TUSC1: variants seen among roughly 807,000 people sequenced by gnomAD.
The protein encoded by TUSC1 is tumor suppressor candidate gene 1 protein.
Under a neutral mutation model 5.2 loss-of-function variants are expected in TUSC1, and 8 were observed. The observed-to-expected ratio is 1.54, with a 90% CI of 0.90 to 2.77. The LOEUF (loss-of-function observed/expected upper bound fraction) is 2.77. Among genes scored for constraint, TUSC1 ranks in the 30% most tolerant of loss-of-function variants. TUSC1 has a pLI of 0.00. For synonymous variants in TUSC1, 192 were observed against 144.2 expected, an observed-to-expected ratio of 1.33 and a Z score of -2.37; for missense variants, 442 against 324.2, an observed-to-expected ratio of 1.36 and a Z score of -2.79.
chr9:25,677,922 C>G lies in TUSC1; in HGVS notation c.391G>C (p.Glu131Gln). Reference sequence around the variant, plus strand: ...GCCCTCCGGTTCGTGCTGGCCTCTTCAGGGACCCGGCGTGCCTCCGCGGGC... The same window carrying G: ...GCCCTCCGGTTCGTGCTGGCCTCTTGAGGGACCCGGCGTGCCTCCGCGGGC... ...GTPAEARRVP[E>Q]EASTNRRARD... is the part of the protein sequence containing the mutation. The change falls in exon 1 of 1, where the codon GAA becomes CAA. Residue 131 changes from glutamate (E) to glutamine (Q), a missense_variant. Transcript: ENST00000358022. The G allele has an allele frequency of 6.4e-7, 1 of 1,568,734 alleles. No homozygotes were observed. The highest frequency in any genetic ancestry group is 1.2e-5 in the South Asian group (1 of 86,502).
rs774148271 is a variant in TUSC1, at chr9:25,677,885, C to T, written c.428G>A (p.Gly143Asp). Reference sequence around the variant, plus strand: ...GGGGCTGCCCGGCTCGTCCTCTCGGCCGCTGTCTCTAGCCCTCCGGTTCGT... The same window carrying T: ...GGGGCTGCCCGGCTCGTCCTCTCGGTCGCTGTCTCTAGCCCTCCGGTTCGT... ...ASTNRRARDS[G>D]REDEPGSPRA... Residue 143 changes from glycine to aspartate, a missense_variant, in exon 1 of 1, where the codon GGC (glycine) becomes GAC (aspartate). Gly to Asp is a moderately conservative substitution (Grantham distance 94). Coordinates refer to ENST00000358022, the MANE Select transcript of TUSC1 (RefSeq NM_001004125.3). The T allele has an allele frequency of 1.6e-5, 25 of 1,589,536 alleles. No individual in the cohort carries two copies. The highest frequency in any genetic ancestry group is 2.3e-5 in the South Asian group (2 of 88,274).
chr9:25,678,236 G>A lies in TUSC1; in HGVS notation c.77C>T (p.Pro26Leu). The change falls in exon 1 of 1, where the codon CCA (proline) becomes CTA (leucine). Residue 26 changes from proline (P) to leucine (L), a missense_variant. Pro to Leu is a moderately conservative substitution (Grantham distance 98, BLOSUM62 -3). Coordinates refer to ENST00000358022, the MANE Select transcript of TUSC1 (RefSeq NM_001004125.3). ...ACCACGAGCCCGGCCGGAGCGGCCT[G>A]GCCCTCGGCCGTCCGCAGCACCGTC... is the stretch of plus-strand genomic sequence containing the variant. ...GGDGAADGRG[P>L]GRSGRARGGG... 1 of 1,402,734 alleles carries A rather than the reference G, an allele frequency of 7.1e-7. No homozygotes were observed. The highest frequency in any genetic ancestry group is 9.3e-7 in the Non-Finnish European group (1 of 1,078,234). 86.9% of individuals were successfully genotyped at this position (1,402,734 alleles called of 1,614,324 possible). A position where few individuals can be genotyped will look rare whatever the true frequency, so the allele number is the denominator to read the frequency against.
chr9:25,677,746 A>C lies in TUSC1; in HGVS notation c.567T>G (p.Pro189=). 6.3e-7 allele frequency: 1 copy of C among 1,578,188 alleles called. No homozygotes were observed. The highest frequency in any genetic ancestry group is 2.3e-5 in the East Asian group (1 of 42,730). ...GGAGGCCGGAGTCGGGTTCCTGTAG[A>C]GGCTGCTCCTCCTTGTCCCCGCTCG... ...PRPSGDKEEQ[P]LQEPDSGLRS... Residue 189 remains proline (P), a synonymous_variant, in exon 1 of 1, where the codon CCT becomes CCG. Transcript: ENST00000358022.
At position 25,677,536 on chromosome 9, in the gene TUSC1, T is replaced by C. The variant is rs1819063113; in HGVS notation, c.*147A>G. On this transcript the variant is annotated 3_prime_UTR_variant, in exon 1 of 1. Transcript: ENST00000358022. ...CGGATGGCCAAGCGCCACCCGGAAG[T>C]GTCCACTGGTGGGGGCGGGAAGGCA... 2 of 1,396,272 alleles carry C rather than the reference T, an allele frequency of 1.4e-6. No individual in the cohort carries two copies. The highest frequency in any genetic ancestry group is 2.5e-5 in the East Asian group (1 of 39,526). The allele number at this position is 1,396,272 out of a possible 1,614,324, so 86.5% of individuals were successfully genotyped here.
rs1018181738 is a variant in TUSC1 at position 25,678,286 on chromosome 9, A to G, written c.27T>C (p.Thr9=). 2.7e-6 allele frequency: 4 copies of G among 1,467,450 alleles called. No individual in the cohort carries two copies. The highest frequency in any genetic ancestry group is 3.0e-5 in the African/African-American group (2 of 67,614). 90.9% of individuals were successfully genotyped at this position (1,467,450 alleles called of 1,614,324 possible). A position where few individuals can be genotyped will look rare whatever the true frequency, so the allele number is the denominator to read the frequency against. ...CCCCGCCGCAGCAACTCCCGCGCCT[A>G]GTGGCGCCACCACGCATGCGCCACA... The part of the protein sequence containing the change: MWRMRGGA[T]RRGSCCGGDG... Residue 9 remains threonine, a synonymous_variant, in exon 1 of 1, where the codon ACT becomes ACC. Transcript: ENST00000358022.
chr9:25,678,099 C>T lies in TUSC1; in HGVS notation c.214G>A (p.Ala72Thr). 12 of 1,578,200 alleles carry T rather than the reference C, an allele frequency of 7.6e-6. No homozygotes were observed. Among genetic ancestry groups the T allele is most frequent in the South Asian group, 1.1e-5 (1 of 87,012 alleles). The change falls in exon 1 of 1, where the codon GCC (alanine) becomes ACC (threonine). Residue 72 changes from alanine (A) to threonine (T), a missense_variant. Physicochemically the swap from Ala to Thr is moderately conservative, Grantham distance 58. Coordinates refer to ENST00000358022, the MANE Select transcript of TUSC1 (RefSeq NM_001004125.3). ...FADLAASHLE[A>T]IRARDEWDRQ... is the part of the protein sequence containing the mutation. ...TCCCACTCGTCCCGCGCACGGATGGCCTCCAAGTGGCTCGCCGCCAGGTCG... is the reference window on the plus strand; with the variant it reads ...TCCCACTCGTCCCGCGCACGGATGGTCTCCAAGTGGCTCGCCGCCAGGTCG...
Position 25,677,017 on chromosome 9 carries a change from T to C in TUSC1, c.*666A>G, listed in dbSNP as rs1026482680. On this transcript the variant is annotated 3_prime_UTR_variant, in exon 1 of 1. Transcript: ENST00000358022. ...TTTACCATTTCAAAAGATCACGATATAGGCAGATACCTTAAAAATTCTCTG... is the reference window on the plus strand; with the variant it reads ...TTTACCATTTCAAAAGATCACGATACAGGCAGATACCTTAAAAATTCTCTG... 4 of 152,222 alleles carry C rather than the reference T, an allele frequency of 2.6e-5. No homozygotes were observed. The highest frequency in any genetic ancestry group is 5.9e-5 in the Non-Finnish European group (4 of 68,036). The allele number at this position is 152,222 out of a possible 1,614,324, so 9.4% of individuals were successfully genotyped here. A position where few individuals can be genotyped will look rare whatever the true frequency, so the allele number is the denominator to read the frequency against.
Position 25,678,131 on chromosome 9 carries a change from C to T in TUSC1, c.182G>A (p.Arg61Gln). ...ADGARQQLEE[R>Q]FADLAASHLE... The stretch of plus-strand genomic sequence containing the variant: ...GTGGCTCGCCGCCAGGTCGGCAAAC[C>T]GCTCCTCCAGCTGCTGTCGGGCGCC... The change falls in exon 1 of 1, where the codon CGG becomes CAG. Residue 61 changes from arginine to glutamine, a missense_variant. Coordinates refer to ENST00000358022, the MANE Select transcript of TUSC1 (RefSeq NM_001004125.3). 6.5e-7 allele frequency: 1 copy of T among 1,543,062 alleles called. No individual in the cohort carries two copies.
rs1394494874 is a variant in TUSC1, at chr9:25,677,007, G to T, written c.*676C>A. ...ACCAGATTTATTTACCATTTCAAAAGATCACGATATAGGCAGATACCTTAA... is the reference window on the plus strand; with the variant it reads ...ACCAGATTTATTTACCATTTCAAAATATCACGATATAGGCAGATACCTTAA... On this transcript the variant is annotated 3_prime_UTR_variant, in exon 1 of 1. Coordinates refer to ENST00000358022, the MANE Select transcript of TUSC1 (RefSeq NM_001004125.3). 2 of 152,160 alleles carry T rather than the reference G, an allele frequency of 1.3e-5. No individual in the cohort carries two copies. The highest frequency in any genetic ancestry group is 4.8e-5 in the African/African-American group (2 of 41,446). The allele number at this position is 152,160 out of a possible 1,614,324, so 9.4% of individuals were successfully genotyped here. A position where few individuals can be genotyped will look rare whatever the true frequency, so the allele number is the denominator to read the frequency against.
chr9:25,677,669 G>A lies in TUSC1; in HGVS notation c.*14C>T, dbSNP rs1334173781. 5 of 1,495,058 alleles carry A rather than the reference G, an allele frequency of 3.3e-6. No homozygotes were observed. The highest frequency in any genetic ancestry group is 1.4e-5 in the African/African-American group (1 of 71,118). 92.6% of individuals were successfully genotyped at this position (1,495,058 alleles called of 1,614,324 possible). The stretch of plus-strand genomic sequence containing the variant: ...CCCGCTCGAGGCTCCGCCTCTCACC[G>A]GCTGCGGCCTCGGCTACAGCCAGGG... On this transcript the variant is annotated 3_prime_UTR_variant, in exon 1 of 1. Transcript: ENST00000358022.
At position 25,678,265 on chromosome 9, in the gene TUSC1, G is replaced by A; in HGVS notation, c.48C>T (p.Gly16=). 3 of 1,458,846 alleles carry A rather than the reference G, an allele frequency of 2.1e-6. No individual in the cohort carries two copies. Among genetic ancestry groups the A allele is most frequent in the African/African-American group, 1.5e-5 (1 of 67,610 alleles). 90.4% of individuals were successfully genotyped at this position (1,458,846 alleles called of 1,614,324 possible). ...CTCGGCCGTCCGCAGCACCGTCCCC[G>A]CCGCAGCAACTCCCGCGCCTAGTGG... ...GGATRRGSCC[G]GDGAADGRGP... Residue 16 remains glycine, a synonymous_variant, in exon 1 of 1, where the codon GGC becomes GGT. Transcript: ENST00000358022.
At position 25,678,060 on chromosome 9, in the gene TUSC1, G is replaced by A. The variant is rs1265108375; in HGVS notation, c.253C>T (p.Arg85Trp). The A allele has an allele frequency of 1.9e-6, 3 of 1,586,332 alleles. No individual in the cohort carries two copies. Among genetic ancestry groups the A allele is most frequent in the African/African-American group, 1.3e-5 (1 of 74,584 alleles). ...ARDEWDRQNA[R>W]LRQENARLRL... ...AGCCGGGCGTTCTCCTGACGCAGCC[G>A]CGCGTTCTGCCGGTCCCACTCGTCC... The change falls in exon 1 of 1, where the codon CGG becomes TGG. Residue 85 changes from arginine to tryptophan, a missense_variant. By Grantham distance (101) the Arg-to-Trp change is moderately radical. Coordinates refer to ENST00000358022, the MANE Select transcript of TUSC1 (RefSeq NM_001004125.3).
chr9:25,677,933 C>A lies in TUSC1; in HGVS notation c.380G>T (p.Arg127Leu), dbSNP rs770050897. The change falls in exon 1 of 1, where the codon CGC becomes CTC. Residue 127 changes from arginine to leucine, a missense_variant. Coordinates refer to ENST00000358022, the MANE Select transcript of TUSC1 (RefSeq NM_001004125.3). Reference protein sequence around the residue: ...EGGNGTPAEARRVPEEASTNR... With the variant: ...EGGNGTPAEALRVPEEASTNR... The stretch of plus-strand genomic sequence containing the variant: ...CGTGCTGGCCTCTTCAGGGACCCGG[C>A]GTGCCTCCGCGGGCGTCCCGTTGCC... 1.6e-4 allele frequency: 254 copies of A among 1,558,950 alleles called. No homozygotes were observed. The highest frequency in any genetic ancestry group is 2.2e-4 in the Non-Finnish European group (249 of 1,156,296).
In TUSC1 at chr9:25,677,674, C is replaced by T. The variant is rs764540422; in HGVS notation, c.*9G>A. 4.7e-6 allele frequency: 7 copies of T among 1,498,820 alleles called. No individual in the cohort carries two copies. The South Asian group carries it at 5.1e-5, about 11-fold the overall frequency. 92.8% of individuals were successfully genotyped at this position (1,498,820 alleles called of 1,614,324 possible). The stretch of plus-strand genomic sequence containing the variant: ...TCGAGGCTCCGCCTCTCACCGGCTG[C>T]GGCCTCGGCTACAGCCAGGGCCCAG... On this transcript the variant is annotated 3_prime_UTR_variant, in exon 1 of 1. Coordinates refer to ENST00000358022, the MANE Select transcript of TUSC1 (RefSeq NM_001004125.3).
Position 25,677,598 on chromosome 9 carries a change from A to G in TUSC1, c.*85T>C, listed in dbSNP as rs1819064980. Reference sequence around the variant, plus strand: ...GGTATCCGCGGGCAGGGAGCGGGCCAGGGCGTGCGCGAGGTCGGGGGTAGC... The same window carrying G: ...GGTATCCGCGGGCAGGGAGCGGGCCGGGGCGTGCGCGAGGTCGGGGGTAGC... On this transcript the variant is annotated 3_prime_UTR_variant, in exon 1 of 1. Coordinates refer to ENST00000358022, the MANE Select transcript of TUSC1 (RefSeq NM_001004125.3). The G allele has an allele frequency of 1.4e-6, 2 of 1,438,958 alleles. No individual in the cohort carries two copies. Among genetic ancestry groups the G allele is most frequent in the Non-Finnish European group, 1.8e-6 (2 of 1,101,824 alleles). 89.1% of individuals were successfully genotyped at this position (1,438,958 alleles called of 1,614,324 possible).
chr9:25,677,554 G>A lies in TUSC1; in HGVS notation c.*129C>T. The A allele has an allele frequency of 2.8e-6, 4 of 1,426,516 alleles. No individual in the cohort carries two copies. The highest frequency in any genetic ancestry group is 3.7e-6 in the Non-Finnish European group (4 of 1,092,892). The allele number at this position is 1,426,516 out of a possible 1,614,324, so 88.4% of individuals were successfully genotyped here. A position where few individuals can be genotyped will look rare whatever the true frequency, so the allele number is the denominator to read the frequency against. Reference sequence around the variant, plus strand: ...CCGGAAGTGTCCACTGGTGGGGGCGGGAAGGCACCGTAGTCCAAGGTATCC... The same window carrying A: ...CCGGAAGTGTCCACTGGTGGGGGCGAGAAGGCACCGTAGTCCAAGGTATCC... On this transcript the variant is annotated 3_prime_UTR_variant, in exon 1 of 1. Transcript: ENST00000358022.
In TUSC1 at chr9:25,677,926, G is replaced by C; in HGVS notation, c.387C>G (p.Val129=). 1.9e-6 allele frequency: 3 copies of C among 1,563,958 alleles called. No homozygotes were observed. Among genetic ancestry groups the C allele is most frequent in the Non-Finnish European group, 2.6e-6 (3 of 1,158,632 alleles). Residue 129 remains valine (V), a synonymous_variant, in exon 1 of 1, where the codon GTC becomes GTG. Coordinates refer to ENST00000358022, the MANE Select transcript of TUSC1 (RefSeq NM_001004125.3). The part of the protein sequence containing the change: ...GNGTPAEARR[V]PEEASTNRRA... Reference sequence around the variant, plus strand: ...TCCGGTTCGTGCTGGCCTCTTCAGGGACCCGGCGTGCCTCCGCGGGCGTCC... The same window carrying C: ...TCCGGTTCGTGCTGGCCTCTTCAGGCACCCGGCGTGCCTCCGCGGGCGTCC...
At position 25,677,819 on chromosome 9, in the gene TUSC1, T is replaced by A; in HGVS notation, c.494A>T (p.Tyr165Phe). The change falls in exon 1 of 1, where the codon TAC (tyrosine) becomes TTC (phenylalanine). Residue 165 changes from tyrosine (Y) to phenylalanine (F), a missense_variant. Tyr to Phe is a conservative substitution (Grantham distance 22, BLOSUM62 3). Transcript: ENST00000358022. Reference protein sequence around the residue: ...RARLEKLEAMYRRALLQLHLE... With the variant: ...RARLEKLEAMFRRALLQLHLE... ...GTGCAGCTGCAGCAGGGCCCGGCGG[T>A]ACATGGCTTCCAGCTTCTCAAGTCG... 7 of 1,594,246 alleles carry A rather than the reference T, an allele frequency of 4.4e-6. No individual in the cohort carries two copies. The highest frequency in any genetic ancestry group is 6.0e-6 in the Non-Finnish European group (7 of 1,172,022).
chr9:25,677,900 C>T lies in TUSC1; in HGVS notation c.413G>A (p.Arg138Lys). The part of the protein sequence containing the change: ...RVPEEASTNR[R>K]ARDSGREDEP... ...GTCCTCTCGGCCGCTGTCTCTAGCC[C>T]TCCGGTTCGTGCTGGCCTCTTCAGG... Residue 138 changes from arginine (R) to lysine (K), a missense_variant, in exon 1 of 1, where the codon AGG becomes AAG. Transcript: ENST00000358022. 3.2e-6 allele frequency: 5 copies of T among 1,584,148 alleles called. No homozygotes were observed. Among genetic ancestry groups the T allele is most frequent in the Non-Finnish European group, 4.3e-6 (5 of 1,168,984 alleles).
Sources: allele counts gnomAD v4.1 joint callset, GRCh38; gene constraint gnomAD v4.1.1; transcripts MANE v1.5; gene names NCBI Gene and HGNC (gene_info 2026-07-23, HGNC 2026-07-21).